The following CHKA variants were observed in gnomAD, a reference collection of about 807,000 sequenced individuals.
CHKA encodes the protein CHETK-alpha.
In CHKA, 34 loss-of-function variants were observed where a neutral mutation model predicts 60.1. That is an observed-to-expected ratio of 0.57 (90% CI 0.43 to 0.75). The LOEUF (loss-of-function observed/expected upper bound fraction) is 0.75. CHKA is among the 30% of genes least tolerant of loss of function. The pLI is 0.00. For missense variants in CHKA, 563 were observed against 561.3 expected (o/e 1.00, Z -0.03); for synonymous variants, 217 against 223.1 (o/e 0.97, Z 0.24).
intron 1 of CHKA, among the ~76,000 whole-genome samples, chr11:68,112,477 C>T (rs1485595921): frequency 6.6e-6 from 1 of 152,154 alleles, no homozygotes; most frequent in African/African-American, 2.4e-5. Flanking sequence ...CCAGGCTGGT[C>T]TCAAACTCCT....
chr11:68,087,651 A>T (rs903491386), intron 2 of CHKA, among the ~76,000 whole-genome samples: 1 of 152,206 alleles, frequency 6.6e-6, no homozygotes, highest in Non-Finnish European at 1.5e-5. Flanking sequence ...ACACAAAAAA[A>T]GAAAATTAAG....
intron 1 of CHKA, among the ~76,000 whole-genome samples, chr11:68,101,332 A>T (rs147903335): frequency 6.6e-6 from 1 of 152,316 alleles, no homozygotes; most frequent in African/African-American, 2.4e-5. Flanking sequence ...ACAAGGCAAG[A>T]GAAAGAAATA....
At chr11:68,066,227 G>A (rs1856439739) in intron 8 of CHKA, among the ~76,000 whole-genome samples, 1 of 152,196 alleles carries the variant, frequency 6.6e-6, no homozygotes, top group Admixed American at 6.5e-5. Flanking sequence ...TCCCCAACTA[G>A]CGCTGTCTGC....
chr11:68,070,642 T>A, intron 5 of CHKA, 82 bp downstream of exon 5: 1 of 1,471,846 alleles, frequency 6.8e-7, no homozygotes, highest in Non-Finnish European at 9.3e-7. Context: ...CTGACTACTG[T>A]GGCAAACAAA....
chr11:68,084,371 C>T (rs1335214748), intron 2 of CHKA, among the ~76,000 whole-genome samples: 5 of 99,812 alleles, frequency 5.0e-5, no homozygotes, highest in South Asian at 3.3e-4. Context: ...CACATATATA[C>T]GTATATGTGT....
chr11:68,099,858 C>A (rs1471251966), intron 1 of CHKA, among the ~76,000 whole-genome samples: 1 of 152,138 alleles, frequency 6.6e-6, no homozygotes, highest in East Asian at 1.9e-4. Flanking sequence ...CAAAGTTTAC[C>A]CCCGTACTGC....
intron 1 of CHKA, among the ~76,000 whole-genome samples, chr11:68,112,740 T>C (rs1197868226): frequency 1.3e-5 from 2 of 152,120 alleles, no homozygotes; most frequent in Non-Finnish European, 2.9e-5. Flanking sequence ...CAAAAATATA[T>C]AAAGAACTCT....
intron 1 of CHKA, among the ~76,000 whole-genome samples, chr11:68,113,673 C>G (rs1858267260): frequency 6.6e-6 from 1 of 151,894 alleles, no homozygotes; most frequent in Admixed American, 6.6e-5. Flanking sequence ...CCAGCCTGGG[C>G]AAAAGAGCAA....
chr11:68,063,813 T>C (rs1856338755), intron 10 of CHKA, among the ~76,000 whole-genome samples: 1 of 152,182 alleles, frequency 6.6e-6, no homozygotes, highest in African/African-American at 2.4e-5. Context: ...TTCTTCTCTA[T>C]CTCTCTGCCC....
At chr11:68,066,778 T>C (rs1264230475) in intron 7 of CHKA, among the ~76,000 whole-genome samples, 1 of 152,188 alleles carries the variant, frequency 6.6e-6, no homozygotes, top group Non-Finnish European at 1.5e-5. Context: ...AGGATCACTG[T>C]GGAACAAAGC....
intron 1 of CHKA, among the ~76,000 whole-genome samples, chr11:68,113,475 T>A (rs543198259): frequency 1.1e-4 from 17 of 151,910 alleles, no homozygotes; most frequent in Non-Finnish European, 1.9e-4. Context: ...GGTGGGCAGA[T>A]CACGTGGGTC....
intron 11 of CHKA, among the ~76,000 whole-genome samples, chr11:68,055,314 C>T (rs1208435390): frequency 1.3e-5 from 2 of 152,104 alleles, no homozygotes; most frequent in African/African-American, 2.4e-5. Context: ...TGCTTGAACC[C>T]GGGAGGCGGA....
intron 4 of CHKA, among the ~76,000 whole-genome samples, chr11:68,072,651 G>A (rs377487085): frequency 1.6e-4 from 25 of 151,630 alleles, no homozygotes; most frequent in Non-Finnish European, 2.8e-4. Context: ...GTCAAACACC[G>A]GCGGCGTCAT....
intron 2 of CHKA, among the ~76,000 whole-genome samples, chr11:68,083,666 T>A (rs530957539): frequency 4.9e-4 from 75 of 152,268 alleles, no homozygotes; most frequent in Non-Finnish European, 8.7e-4. Flanking sequence ...TTCCTTTTTT[T>A]AAACATATTG....
chr11:68,119,137 G>C (rs956773021), intron 1 of CHKA, among the ~76,000 whole-genome samples: 3 of 152,206 alleles, frequency 2.0e-5, no homozygotes, highest in Non-Finnish European at 4.4e-5. Flanking sequence ...AAACCTTGGA[G>C]AGAGCTGAAT....
intron 2 of CHKA, among the ~76,000 whole-genome samples, chr11:68,083,340 T>C (rs1444719416): frequency 6.6e-6 from 1 of 152,186 alleles, no homozygotes; most frequent in East Asian, 1.9e-4. Context: ...AAAGTCCTTG[T>C]GTTTTTTTCT....
chr11:68,106,075 T>C (rs1335985437), intron 1 of CHKA, among the ~76,000 whole-genome samples: 1 of 151,598 alleles, frequency 6.6e-6, no homozygotes, highest in African/African-American at 2.4e-5. Context: ...ACAAGGAAAA[T>C]AAGAAAAAAA....
intron 9 of CHKA, among the ~76,000 whole-genome samples, chr11:68,065,409 G>A (rs1405389725): frequency 6.6e-6 from 1 of 152,152 alleles, no homozygotes; most frequent in Non-Finnish European, 1.5e-5. Context: ...CTTTAAAAAT[G>A]AAGATGTAGG....
At chr11:68,112,973 T>C (rs1858221485) in intron 1 of CHKA, among the ~76,000 whole-genome samples, 1 of 149,070 alleles carries the variant, frequency 6.7e-6, no homozygotes, top group South Asian at 2.1e-4. Context: ...TCCCAGCTAC[T>C]CGGGAGGCTG....
Sources: gnomAD v4.1 joint callset for allele counts (sites outside exome capture counted in the v4.1 genomes callset) on GRCh38, gnomAD v4.1.1 for gene constraint, MANE v1.5 for transcripts, NCBI Gene and HGNC (gene_info 2026-07-23, HGNC 2026-07-21) for gene names.